The following COL10A1 variants were observed in gnomAD, a reference collection of about 807,000 sequenced individuals.
COL10A1 encodes the protein collagen alpha-1(X) chain.
Under a neutral mutation model 18.2 loss-of-function variants are expected in COL10A1, and 10 were observed. The observed-to-expected ratio is 0.55, with a 90% CI of 0.34 to 0.93. The LOEUF (loss-of-function observed/expected upper bound fraction) is 0.93. Ranked by LOEUF, COL10A1 falls within the 40% of genes least tolerant of loss-of-function variation. The pLI is 0.02. For missense variants in COL10A1, 897 were observed against 853.5 expected (o/e 1.05, Z -0.64); for synonymous variants, 330 against 316.6 (o/e 1.04, Z -0.45).
At chr6:116,189,378 C>T in the COL10A1 span, among the ~76,000 whole-genome samples, 1 of 151,824 alleles carries the variant, frequency 6.6e-6, no homozygotes, top group Admixed American at 6.6e-5. Flanking sequence ...AGTATATTTA[C>T]ATTTATTTTT....
chr6:116,126,206 C>T (rs1033360370), upstream of COL10A1: 2 of 152,212 alleles, frequency 1.3e-5, no homozygotes, highest in African/African-American at 4.8e-5. Context: ...AGCTTAAGCT[C>T]CTCCCCTCAA....
chr6:116,121,949 C>G lies in COL10A1; in HGVS notation c.167G>C (p.Arg56Thr), dbSNP rs1215689338. ...YTIKSKGIAV[R>T]GEQGTPGPPG... Reference sequence around the variant, plus strand: ...TGGACCAGGAGTACCTTGCTCTCCTCTTACTGCTATACCTAAAAGACACAC... The same window carrying G: ...TGGACCAGGAGTACCTTGCTCTCCTGTTACTGCTATACCTAAAAGACACAC... The change falls in exon 3 of 3, where the codon AGA becomes ACA. Residue 56 changes from arginine (R) to threonine (T), a missense_variant. Physicochemically the swap from Arg to Thr is moderately conservative, Grantham distance 71 (BLOSUM62 -1). Transcript: ENST00000651968. 1 of 1,612,620 alleles carries G rather than the reference C, an allele frequency of 6.2e-7. No homozygotes were observed. The highest frequency in any genetic ancestry group is 1.7e-5 in the Admixed American group (1 of 60,028).
At chr6:116,173,921 C>A in the COL10A1 span, among the ~76,000 whole-genome samples, 1 of 152,182 alleles carries the variant, frequency 6.6e-6, no homozygotes, top group Admixed American at 6.5e-5. Context: ...TAATCCCATT[C>A]AGGATACCAC....
chr6:116,159,527 CAT>C (rs1241603089), upstream of COL10A1, among the ~76,000 whole-genome samples: 1 of 152,136 alleles, frequency 6.6e-6, no homozygotes, highest in Non-Finnish European at 1.5e-5. Flanking sequence ...TTCTGGATGT[CAT>C]GTGAATAATT....
chr6:116,120,696 G>C lies in COL10A1; in HGVS notation c.1420C>G (p.Pro474Ala), dbSNP rs886060991. Residue 474 changes from proline to alanine, a missense_variant, in exon 3 of 3, where the codon CCT (proline) becomes GCT (alanine). Pro to Ala is a conservative substitution (Grantham distance 27). Coordinates refer to ENST00000651968, the MANE Select transcript of COL10A1 (RefSeq NM_000493.4). ...GTTGCTATGCCAGCTGGGCCAGGAG[G>C]ACCGGGACTTCCTGGATCCCCTTTA... ...GSKGDPGSPG[P>A]PGPAGIATKG... The C allele has an allele frequency of 1.3e-6, 2 of 1,553,230 alleles. No individual in the cohort carries two copies. Among genetic ancestry groups the C allele is most frequent in the Non-Finnish European group, 1.7e-6 (2 of 1,156,380 alleles).
Position 116,121,877 on chromosome 6 carries a change from G to C in COL10A1, c.239C>G (p.Pro80Arg). The C allele has an allele frequency of 1.2e-6, 2 of 1,613,986 alleles. No individual in the cohort carries two copies. The highest frequency in any genetic ancestry group is 1.1e-5 in the South Asian group (1 of 91,060). The change falls in exon 3 of 3, where the codon CCA (proline) becomes CGA (arginine). Residue 80 changes from proline to arginine, a missense_variant. Physicochemically the swap from Pro to Arg is moderately radical, Grantham distance 103. Transcript: ENST00000651968. ...AGGACTTCCGTAGCCTGGTTTTCCT[G>C]GTGGTCCAGAAGGACCTGGGTGCCC... ...PRGHPGPSGP[P>R]GKPGYGSPGL...
the COL10A1 span, among the ~76,000 whole-genome samples, chr6:116,176,618 A>G: frequency 6.6e-6 from 1 of 152,322 alleles, no homozygotes; most frequent in African/African-American, 2.4e-5. Flanking sequence ...TCTTAGGCCC[A>G]AAGCAGTCTT....
the COL10A1 span, among the ~76,000 whole-genome samples, chr6:116,182,442 A>G: frequency 2.0e-5 from 3 of 151,896 alleles, no homozygotes; most frequent in Admixed American, 6.6e-5. Flanking sequence ...TCTACTTTTA[A>G]TTTTTTAAGG....
At chr6:116,203,782 T>C in the COL10A1 span, among the ~76,000 whole-genome samples, 14 of 151,928 alleles carry the variant, frequency 9.2e-5, no homozygotes, top group Non-Finnish European at 1.8e-4. Context: ...AGTTCAGTTT[T>C]AGTAGGAACT....
intron 1 of COL10A1, among the ~76,000 whole-genome samples, chr6:116,150,614 G>A (rs1460623811): frequency 2.6e-5 from 4 of 152,154 alleles, no homozygotes; most frequent in Non-Finnish European, 2.9e-5. Flanking sequence ...TTAGAATGGG[G>A]CAGTGGAAAT....
chr6:116,214,820 T>C, the COL10A1 span, among the ~76,000 whole-genome samples: 3 of 142,486 alleles, frequency 2.1e-5, no homozygotes, highest in Admixed American at 7.0e-5. Context: ...TAAAGTATAA[T>C]AAAAAAAAAA....
upstream of COL10A1, among the ~76,000 whole-genome samples, chr6:116,127,530 T>C (rs1012946172): frequency 6.6e-6 from 1 of 152,142 alleles, no homozygotes; most frequent in Non-Finnish European, 1.5e-5. Flanking sequence ...GAATAGCTTT[T>C]GTAATTATAA....
rs546377514 is a variant in COL10A1 at position 116,139,574 on chromosome 6, A to T, written c.-15-14067T>A. On this transcript the variant is annotated intron_variant, in intron 1 of 1. Coordinates refer to the COL10A1 transcript ENST00000418500. Reference sequence around the variant, plus strand: ...GTGTTAATAAGTGTATTGGAATATTAAAAAACATTTTATAAGACAGTAAAG... The same window carrying T: ...GTGTTAATAAGTGTATTGGAATATTTAAAAACATTTTATAAGACAGTAAAG... Among the ~76,000 whole-genome samples, 123 of 152,276 alleles carry T rather than the reference A, an allele frequency of 8.1e-4. 1 individual carries two copies. Among genetic ancestry groups the T allele is most frequent in the Non-Finnish European group, 1.5e-3 (104 of 68,008 alleles).
chr6:116,140,378 T>C (rs1380252942), intron 1 of COL10A1, among the ~76,000 whole-genome samples: 2 of 152,130 alleles, frequency 1.3e-5, no homozygotes, highest in Non-Finnish European at 2.9e-5. Context: ...CTTTTCTGCC[T>C]TACATTCCTG....
chr6:116,145,443 A>C, intron 1 of COL10A1: 1 of 384,900 alleles, frequency 2.6e-6, no homozygotes, highest in Non-Finnish European at 5.8e-6. Flanking sequence ...CTTAGTAAGA[A>C]GATTGGCCAC....
chr6:116,164,183 G>C, the COL10A1 span, among the ~76,000 whole-genome samples: 1 of 152,136 alleles, frequency 6.6e-6, no homozygotes, highest in Non-Finnish European at 1.5e-5. Context: ...TTTTCTCTGG[G>C]ATGTCGAAGT....
the COL10A1 span, among the ~76,000 whole-genome samples, chr6:116,209,519 A>G: frequency 1.3e-5 from 2 of 152,044 alleles, no homozygotes; most frequent in East Asian, 3.9e-4. Context: ...AGTGTTGATT[A>G]TAGTGTAACA....
chr6:116,149,301 A>G (rs917438711), intron 1 of COL10A1, among the ~76,000 whole-genome samples: 20 of 152,224 alleles, frequency 1.3e-4, no homozygotes, highest in Admixed American at 1.2e-3. Flanking sequence ...TGTTTTCATC[A>G]CTGCAAAATT....
chr6:116,171,995 A>T, the COL10A1 span, among the ~76,000 whole-genome samples: 16 of 152,188 alleles, frequency 1.1e-4, no homozygotes, highest in African/African-American at 3.4e-4. Context: ...GCCACATCTT[A>T]AAAGAGAAAT....
Sources: gnomAD v4.1 joint callset for allele counts (sites outside exome capture counted in the v4.1 genomes callset) on GRCh38, gnomAD v4.1.1 for gene constraint, MANE v1.5 for transcripts, NCBI Gene and HGNC (gene_info 2026-07-23, HGNC 2026-07-21) for gene names.